GMDS: variants seen among roughly 807,000 people sequenced by gnomAD.
GMDS encodes GDP-mannose 4,6-dehydratase.
Under a neutral mutation model 49.9 loss-of-function variants are expected in GMDS, and 20 were observed. That is an observed-to-expected ratio of 0.40 (90% confidence interval 0.28 to 0.58). The LOEUF (loss-of-function observed/expected upper bound fraction) is 0.58. Among genes scored for constraint, GMDS ranks in the 20% least tolerant of loss-of-function variants. The probability of loss-of-function intolerance (pLI) is 0.42; values close to 1 mark genes in which losing one functional copy is unlikely to be tolerated. For synonymous variants in GMDS, 177 were observed against 178.6 expected, an observed-to-expected ratio of 0.99 and a Z score of 0.07; for missense variants, 362 against 481.4, an observed-to-expected ratio of 0.75 and a Z score of 2.32.
intron 9 of GMDS, among the ~76,000 whole-genome samples, chr6:1,671,115 C>T (rs1764406712): frequency 6.6e-6 from 1 of 152,190 alleles, no homozygotes. Context: ...CTGCAAACCA[C>T]AGTAACCCAC....
intron 1 of GMDS, among the ~76,000 whole-genome samples, chr6:2,243,839 CCTTCTT>C: frequency 7.5e-6 from 1 of 132,594 alleles, no homozygotes; most frequent in South Asian, 2.3e-4. Context: ...TTCAACTTCT[CCTTCTT>C]TTTTTTTTTT....
intron 1 of GMDS, among the ~76,000 whole-genome samples, chr6:2,236,620 A>G (rs1781368241): frequency 6.6e-6 from 1 of 152,226 alleles, no homozygotes; most frequent in African/African-American, 2.4e-5. Flanking sequence ...CCAATTCATC[A>G]TTTTTAAAGA....
chr6:1,726,877 T>C (rs938584639), intron 8 of GMDS, among the ~76,000 whole-genome samples: 1 of 151,732 alleles, frequency 6.6e-6, no homozygotes, highest in Non-Finnish European at 1.5e-5. Context: ...AATAAATTAT[T>C]ATAAATTAAT....
intron 4 of GMDS, among the ~76,000 whole-genome samples, chr6:2,039,502 A>G (rs557151436): frequency 6.6e-6 from 1 of 152,304 alleles, no homozygotes; most frequent in South Asian, 2.1e-4. Context: ...ATAGCTGAAA[A>G]TGTAAACACA....
At chr6:1,808,867 GCTCA>G (rs941928581) in intron 7 of GMDS, among the ~76,000 whole-genome samples, 3 of 151,670 alleles carry the variant, frequency 2.0e-5, no homozygotes, top group Admixed American at 1.3e-4. Context: ...TCCTAAGCTT[GCTCA>G]CTCAGACTTC....
Position 1,837,612 on chromosome 6 carries a change from G to A in GMDS, c.771+92491C>T, listed in dbSNP as rs1014504484. Among the ~76,000 whole-genome samples the A allele has an allele frequency of 5.3e-5, 8 of 151,990 alleles. No individual in the cohort carries two copies. The East Asian group carries it at 1.4e-3, about 26-fold the overall frequency. On this transcript the variant is annotated intron_variant, in intron 7 of 10. Transcript: ENST00000380815. ...AAGTTACTGGGAAAATTCTCTGTGG[G>A]AGCCAAGCAATGAAGACTCTCTCAA...
At chr6:1,703,173 C>T (rs540885877) in intron 9 of GMDS, among the ~76,000 whole-genome samples, 33 of 152,266 alleles carry the variant, frequency 2.2e-4, no homozygotes, top group African/African-American at 7.5e-4. Context: ...ATGCTGGCTA[C>T]GTGGGCACAG....
intron 1 of GMDS, among the ~76,000 whole-genome samples, chr6:2,216,371 A>G (rs1399928087): frequency 1.3e-5 from 2 of 152,268 alleles, no homozygotes; most frequent in Non-Finnish European, 2.9e-5. Context: ...ACATTTTAAC[A>G]AAAACATGAT....
At chr6:2,182,691 G>A (rs1239847034) in intron 1 of GMDS, among the ~76,000 whole-genome samples, 1 of 152,158 alleles carries the variant, frequency 6.6e-6, no homozygotes, top group Non-Finnish European at 1.5e-5. Context: ...GCACACTATT[G>A]AGACCTATTG....
intron 1 of GMDS, among the ~76,000 whole-genome samples, chr6:2,144,384 T>C (rs1776450648): frequency 6.6e-6 from 1 of 151,842 alleles, no homozygotes; most frequent in Non-Finnish European, 1.5e-5. Context: ...AGAGGCAGAG[T>C]GGGCAGGAGG....
intron 9 of GMDS, among the ~76,000 whole-genome samples, chr6:1,667,040 C>T (rs974262132): frequency 2.0e-5 from 3 of 152,214 alleles, no homozygotes; most frequent in African/African-American, 7.2e-5. Context: ...GGAGGCCTAG[C>T]GTGCAGACAC....
intron 4 of GMDS, among the ~76,000 whole-genome samples, chr6:1,977,097 A>G (rs1412548498): frequency 6.6e-6 from 1 of 152,228 alleles, no homozygotes; most frequent in Non-Finnish European, 1.5e-5. Context: ...AAAGGGGAAA[A>G]AAATCACTAT....
intron 1 of GMDS, among the ~76,000 whole-genome samples, chr6:2,134,765 A>T (rs1034581535): frequency 1.3e-5 from 2 of 152,250 alleles, no homozygotes; most frequent in African/African-American, 4.8e-5. Context: ...CAACTATTTG[A>T]GTCATATAGT....
At chr6:2,046,743 C>T (rs1770042294) in intron 4 of GMDS, among the ~76,000 whole-genome samples, 1 of 152,152 alleles carries the variant, frequency 6.6e-6, no homozygotes, top group Non-Finnish European at 1.5e-5. Context: ...TTACAAGCTA[C>T]AATGTTTCTT....
intron 1 of GMDS, among the ~76,000 whole-genome samples, chr6:2,160,137 TAAAGA>T (rs1218872411): frequency 6.6e-6 from 1 of 152,150 alleles, no homozygotes; most frequent in Middle Eastern, 3.2e-3. Context: ...TCTCCCCCAT[TAAAGA>T]AAAGTAGTAC....
At chr6:1,920,082 G>A (rs921307844) in intron 7 of GMDS, among the ~76,000 whole-genome samples, 2 of 152,254 alleles carry the variant, frequency 1.3e-5, no homozygotes, top group African/African-American at 4.8e-5. Flanking sequence ...ATAAGCAGAA[G>A]AGATGTTTTC....
At chr6:2,202,743 A>G (rs1264762369) in intron 1 of GMDS, among the ~76,000 whole-genome samples, 2 of 152,296 alleles carry the variant, frequency 1.3e-5, no homozygotes, top group South Asian at 2.1e-4. Context: ...CCTGGATAGA[A>G]TGGGCTGTTT....
chr6:1,961,977 G>A (rs1763971266), intron 4 of GMDS, among the ~76,000 whole-genome samples: 1 of 152,140 alleles, frequency 6.6e-6, no homozygotes, highest in Non-Finnish European at 1.5e-5. Context: ...TGGCTGCCGG[G>A]AAATCAAAAG....
At chr6:2,004,207 G>C (rs896175927) in intron 4 of GMDS, among the ~76,000 whole-genome samples, 3 of 152,186 alleles carry the variant, frequency 2.0e-5, no homozygotes, top group Non-Finnish European at 4.4e-5. Flanking sequence ...CTGACAATTT[G>C]AAAGTACTTA....
Sources: gnomAD v4.1 joint callset for allele counts (sites outside exome capture counted in the v4.1 genomes callset) on GRCh38, gnomAD v4.1.1 for gene constraint, MANE v1.5 for transcripts, NCBI Gene and HGNC (gene_info 2026-07-23, HGNC 2026-07-21) for gene names.